The following CCN5 variants were observed in gnomAD, a reference collection of about 807,000 sequenced individuals.
CCN5 encodes the protein CCN family member 5.
A neutral mutation model predicts 18.7 loss-of-function variants in CCN5; 17 were observed. That is an observed-to-expected ratio of 0.91 (90% CI 0.62 to 1.36). CCN5 has a LOEUF of 1.36. Among genes scored for constraint, CCN5 ranks in the 40% most tolerant of loss-of-function variants. The pLI, the probability that CCN5 is intolerant of heterozygous loss-of-function variation, is 0.00. For synonymous variants in CCN5, 135 were observed against 145.2 expected (o/e 0.93, Z 0.50); for missense variants, 367 against 342.9 (o/e 1.07, Z -0.56).
chr20:44,725,128 A>G, intron 3 of CCN5, 136 bp downstream of exon 3: 1 of 1,240,092 alleles, frequency 8.1e-7, no homozygotes, highest in South Asian at 1.9e-5. Context: ...GCGGAGGCTG[A>G]GGAGGGAGAT....
chr20:44,721,558 G>T (rs751808424), intron 2 of CCN5: 5 of 147,068 alleles, frequency 3.4e-5, no homozygotes, highest in Non-Finnish European at 6.0e-5. Context: ...CATGTGAAAT[G>T]CTTTATTTAC....
In CCN5 at chr20:44,727,347, A is replaced by T; in HGVS notation, c.*40A>T. ...TGGGGACACGGTGTCCACCATCCCC[A>T]GCTGGTGGCCCTGTGCCTGGGCCCT... On this transcript the variant is annotated 3_prime_UTR_variant, in exon 4 of 4. Transcript: ENST00000190983. 6.4e-7 allele frequency: 1 copy of T among 1,571,222 alleles called. No individual in the cohort carries two copies. The highest frequency in any genetic ancestry group is 8.7e-7 in the Non-Finnish European group (1 of 1,155,448).
chr20:44,719,723 T>C lies in CCN5; in HGVS notation c.61-174T>C, dbSNP rs992368803. On this transcript the variant is annotated intron_variant, in intron 1 of 3. Coordinates refer to ENST00000190983, the MANE Select transcript of CCN5 (RefSeq NM_003881.4). ...AGTCCTTGCCCATAACTACATGCCA[T>C]ACTGCCTCTTAGGGCATGTTGTGGG... Among the ~76,000 whole-genome samples the C allele has an allele frequency of 2.0e-5, 3 of 152,216 alleles. No individual in the cohort carries two copies. The East Asian group carries it at 5.8e-4, about 29-fold the overall frequency.
chr20:44,718,540 C>G (rs192432470), intron 1 of CCN5, among the ~76,000 whole-genome samples: 5 of 152,264 alleles, frequency 3.3e-5, no homozygotes, highest in Admixed American at 3.3e-4. Context: ...AGGGAGCTCA[C>G]GGCACCTGCT....
At chr20:44,715,083 C>T (rs2065845781), upstream of CCN5, 1 of 306,616 alleles carries the variant, frequency 3.3e-6, no homozygotes, top group Non-Finnish European at 6.2e-6. Context: ...CAGGCTTTCA[C>T]ACACACACAC....
At chr20:44,726,149 T>C (rs5016487) in intron 3 of CCN5, among the ~76,000 whole-genome samples, 151,716 of 152,344 alleles carry the variant, frequency 1, 75,550 homozygotes, top group East Asian at 1. Context: ...TTGTTCAAGT[T>C]AAGCAGCTGT....
intron 3 of CCN5, among the ~76,000 whole-genome samples, chr20:44,725,678 A>T (rs1049602344): frequency 7.3e-5 from 11 of 150,970 alleles, no homozygotes; most frequent in Non-Finnish European, 1.6e-4. Context: ...TATTTATAAT[A>T]TATTGATACA....
At chr20:44,723,433 C>G (rs2065913628) in intron 2 of CCN5, among the ~76,000 whole-genome samples, 1 of 151,940 alleles carries the variant, frequency 6.6e-6, no homozygotes, top group African/African-American at 2.4e-5. Context: ...TACCAAGGCT[C>G]AGAGAGGCAA....
In CCN5 at chr20:44,725,003, C is replaced by T. The variant is rs753155601; in HGVS notation, c.532+11C>T. ...CCCTTCCAGCCCAAGGTGAGCGCAGCGGTGGTCCAGGTCAGGGCAGGACTG... is the reference window on the plus strand; with the variant it reads ...CCCTTCCAGCCCAAGGTGAGCGCAGTGGTGGTCCAGGTCAGGGCAGGACTG... On this transcript the variant is annotated intron_variant, in intron 3 of 3. Coordinates refer to ENST00000190983, the MANE Select transcript of CCN5 (RefSeq NM_003881.4). The T allele has an allele frequency of 1.3e-6, 2 of 1,557,604 alleles. No individual in the cohort carries two copies. Among genetic ancestry groups the T allele is most frequent in the Non-Finnish European group, 1.7e-6 (2 of 1,153,348 alleles).
chr20:44,719,867 C>T lies in CCN5; in HGVS notation c.61-30C>T, dbSNP rs112517711. ...GGTCTCACTGCCCACCTCGAAAGCCCGTGGCTGAGTGAGGTCTCTGTCTCT... is the reference window on the plus strand; with the variant it reads ...GGTCTCACTGCCCACCTCGAAAGCCTGTGGCTGAGTGAGGTCTCTGTCTCT... On this transcript the variant is annotated intron_variant, in intron 1 of 3. Transcript: ENST00000190983. 119 of 1,601,512 alleles carry T rather than the reference C, an allele frequency of 7.4e-5. No homozygotes were observed. The African/African-American group carries it at 1.3e-3, about 17-fold the overall frequency.
chr20:44,724,782 C>CG lies in CCN5; in HGVS notation c.325dup (p.Glu109GlyfsTer52). Reference sequence around the variant, plus strand: ...CTGTGAGGTGAACGGCCGCCTGTATCGGGAAGGGGAGACCTTCCAGCCCCA... The same window carrying CG: ...CTGTGAGGTGAACGGCCGCCTGTATCGGGGAAGGGGAGACCTTCCAGCCCCA... On this transcript the variant is annotated frameshift_variant, in exon 3 of 4. Transcript: ENST00000190983. LOFTEE classifies it high-confidence loss of function. The CG allele has an allele frequency of 3.1e-6, 5 of 1,612,746 alleles. No homozygotes were observed. Among genetic ancestry groups the CG allele is most frequent in the Non-Finnish European group, 4.2e-6 (5 of 1,179,884 alleles).
rs926028156 is a variant in CCN5, at chr20:44,727,597, A to C, written c.*290A>C. 1 of 1,158,182 alleles carries C rather than the reference A, an allele frequency of 8.6e-7. No individual in the cohort carries two copies. Among genetic ancestry groups the C allele is most frequent in the Non-Finnish European group, 1.1e-6 (1 of 905,310 alleles). 71.7% of individuals were successfully genotyped at this position (1,158,182 alleles called of 1,614,324 possible). A position where few individuals can be genotyped will look rare whatever the true frequency, so the allele number is the denominator to read the frequency against. On this transcript the variant is annotated 3_prime_UTR_variant, in exon 4 of 4. Transcript: ENST00000190983. ...CACTCCCTGCCTACACACACAGCCT[A>C]TATCAAACATGCACACGGGCGAGCT...
In CCN5 at chr20:44,720,106, G is replaced by A. The variant is rs1395726856; in HGVS notation, c.270G>A (p.Leu90=). The A allele has an allele frequency of 1.9e-6, 3 of 1,547,994 alleles. No homozygotes were observed. Among genetic ancestry groups the A allele is most frequent in the South Asian group, 2.3e-5 (2 of 85,192 alleles). Reference sequence around the variant, plus strand: ...CAGGACCCGGTGGCCGGGGGGCCCTGTGCCTCTGTAAGCAGGTTTGCAGGA... The same window carrying A: ...CAGGACCCGGTGGCCGGGGGGCCCTATGCCTCTGTAAGCAGGTTTGCAGGA... ...PGAGPGGRGA[L]CLLAEDDSSC... Residue 90 remains leucine, a synonymous_variant, in exon 2 of 4, where the codon CTG becomes CTA. Coordinates refer to ENST00000190983, the MANE Select transcript of CCN5 (RefSeq NM_003881.4).
chr20:44,715,346 C>T (rs1437321722), upstream of CCN5: 1 of 1,566,538 alleles, frequency 6.4e-7, no homozygotes, highest in Admixed American at 1.9e-5. Context: ...AACATAAAGA[C>T]TCACAGGTCC....
chr20:44,715,227 GT>G (rs1168941016), upstream of CCN5: 4 of 556,488 alleles, frequency 7.2e-6, no homozygotes, highest in Non-Finnish European at 1.2e-5. Context: ...AAGCTAGTGT[GT>G]TTGTGTGTGT....
chr20:44,714,907 AG>A (rs985141620), upstream of CCN5: 2 of 156,848 alleles, frequency 1.3e-5, no homozygotes, highest in Non-Finnish European at 2.8e-5. Flanking sequence ...AGCTCTGCAA[AG>A]GGGTTGTTTA....
At position 44,720,046 on chromosome 20, in the gene CCN5, C is replaced by T. The variant is rs546232030; in HGVS notation, c.210C>T (p.Cys70=). The T allele has an allele frequency of 1.3e-5, 20 of 1,594,256 alleles. No individual in the cohort carries two copies. The highest frequency in any genetic ancestry group is 1.2e-4 in the African/African-American group (9 of 74,890). Residue 70 remains cysteine (C), a synonymous_variant, in exon 2 of 4, where the codon TGC becomes TGT. Coordinates refer to ENST00000190983, the MANE Select transcript of CCN5 (RefSeq NM_003881.4). ...AGCCCTGCGACCAACTCCACGTCTG[C>T]GACGCCAGCCAGGGCCTGGTCTGCC... The part of the protein sequence containing the change: ...LGEPCDQLHV[C]DASQGLVCQP...
rs1600996394 is a variant in CCN5, at chr20:44,725,006, T to C, written c.532+14T>C. The stretch of plus-strand genomic sequence containing the variant: ...TTCCAGCCCAAGGTGAGCGCAGCGG[T>C]GGTCCAGGTCAGGGCAGGACTGCCT... On this transcript the variant is annotated intron_variant, in intron 3 of 3. Transcript: ENST00000190983. 1 of 1,554,754 alleles carries C rather than the reference T, an allele frequency of 6.4e-7. No homozygotes were observed. Among genetic ancestry groups the C allele is most frequent in the Non-Finnish European group, 8.7e-7 (1 of 1,152,044 alleles).
intron 2 of CCN5, 166 bp downstream of exon 2, chr20:44,720,279 C>A: frequency 1.4e-6 from 1 of 699,212 alleles, no homozygotes; most frequent in Non-Finnish European, 2.4e-6. Flanking sequence ...ACTCCCCACT[C>A]CCTCCTCTCC....
Sources: allele counts gnomAD v4.1 joint callset (sites outside exome capture counted in the v4.1 genomes callset), GRCh38; gene constraint gnomAD v4.1.1; transcripts MANE v1.5; gene names NCBI Gene and HGNC (gene_info 2026-07-23, HGNC 2026-07-21).